The following STX8 variants were observed in gnomAD, a reference collection of about 807,000 sequenced individuals.
STX8 encodes the protein syntaxin 8.
STX8 carries 23 observed loss-of-function variants against 37.5 expected under a neutral mutation model. The ratio of observed to expected loss-of-function variants is 0.61; its 90% CI spans 0.44 to 0.87. STX8 has a LOEUF of 0.87. Ranked by LOEUF, STX8 falls within the 40% of genes least tolerant of loss-of-function variation. STX8 has a pLI of 0.00. For missense variants in STX8, 313 were observed against 284.7 expected, an observed-to-expected ratio of 1.10 and a Z score of -0.71; for synonymous variants, 115 against 99.1, an observed-to-expected ratio of 1.16 and a Z score of -0.95.
intron 6 of STX8, among the ~76,000 whole-genome samples, chr17:9,427,569 G>T (rs548981369): frequency 6.6e-6 from 1 of 152,272 alleles, no homozygotes; most frequent in South Asian, 2.1e-4. Context: ...CTAACCAAAA[G>T]AATAATTAAT....
intron 6 of STX8, among the ~76,000 whole-genome samples, chr17:9,472,172 G>A (rs1410116136): frequency 6.6e-6 from 1 of 151,222 alleles, no homozygotes; most frequent in Non-Finnish European, 1.5e-5. Context: ...ATTTAAGCCT[G>A]TCTGTCTGGC....
intron 4 of STX8, among the ~76,000 whole-genome samples, chr17:9,510,800 T>C (rs565000468): frequency 6.6e-6 from 1 of 151,780 alleles, no homozygotes; most frequent in South Asian, 2.1e-4. Flanking sequence ...AAATAAAAAA[T>C]GTATTTAAAA....
At chr17:9,350,988 G>C (rs1318499741) in intron 7 of STX8, among the ~76,000 whole-genome samples, 2 of 151,852 alleles carry the variant, frequency 1.3e-5, no homozygotes, top group Admixed American at 1.3e-4. Flanking sequence ...CTAACCCATG[G>C]GCAGCTTCAT....
intron 7 of STX8, among the ~76,000 whole-genome samples, chr17:9,357,397 A>G (rs1910919471): frequency 1.3e-5 from 2 of 152,076 alleles, no homozygotes. Context: ...AAATAAGAAG[A>G]AAAAAAGACT....
intron 7 of STX8, among the ~76,000 whole-genome samples, chr17:9,303,473 T>C (rs980258382): frequency 6.6e-6 from 1 of 152,214 alleles, no homozygotes; most frequent in South Asian, 2.1e-4. Context: ...TGTATGTGTA[T>C]GTGTTACACA....
At position 9,276,327 on chromosome 17, in the gene STX8, C is replaced by CT. The variant is rs1597578863; in HGVS notation, c.644-25683dup. On this transcript the variant is annotated intron_variant, in intron 7 of 7. Transcript: ENST00000306357. ...ACATGTTTCTTTAAAGTAACCCCAT[C>CT]TTTTTTTGTGGAAATGTGAGTGATT... 1.1e-4 allele frequency among the ~76,000 whole-genome samples: 17 copies of CT among 152,238 alleles called. 1 individual carries two copies. The South Asian group carries it at 3.1e-3, about 28-fold the overall frequency.
intron 4 of STX8, among the ~76,000 whole-genome samples, chr17:9,527,501 TCTA>T (rs1905626384): frequency 6.6e-6 from 1 of 152,190 alleles, no homozygotes; most frequent in Non-Finnish European, 1.5e-5. Flanking sequence ...ATTAGGTAAT[TCTA>T]CTTTCTTCTT....
At chr17:9,282,276 G>A (rs1209615721) in intron 7 of STX8, among the ~76,000 whole-genome samples, 1 of 152,120 alleles carries the variant, frequency 6.6e-6, no homozygotes, top group African/African-American at 2.4e-5. Context: ...GGGACTACAG[G>A]CACCTGCCAT....
chr17:9,455,237 C>T (rs1247077327), intron 6 of STX8, among the ~76,000 whole-genome samples: 2 of 150,752 alleles, frequency 1.3e-5, no homozygotes, highest in Admixed American at 6.6e-5. Flanking sequence ...CGGTGGCTCA[C>T]GCCTGTAATC....
chr17:9,303,686 C>T (rs12945468), intron 7 of STX8, among the ~76,000 whole-genome samples: 35,286 of 151,996 alleles, frequency 0.23, 5,457 homozygotes, highest in African/African-American at 0.44. Flanking sequence ...ATGATTAAGG[C>T]GGCTTTCAAA....
At chr17:9,527,962 A>G (rs1044782847) in intron 4 of STX8, among the ~76,000 whole-genome samples, 6 of 152,162 alleles carry the variant, frequency 3.9e-5, no homozygotes, top group African/African-American at 1.4e-4. Context: ...AAACAACCCA[A>G]CGTCCATCAA....
intron 4 of STX8, among the ~76,000 whole-genome samples, chr17:9,524,341 A>G (rs751495348): frequency 1.1e-4 from 17 of 152,224 alleles, no homozygotes; most frequent in Non-Finnish European, 2.2e-4. Context: ...GAAGTCCAAG[A>G]GCATGGCATA....
intron 6 of STX8, among the ~76,000 whole-genome samples, chr17:9,393,668 A>C (rs1041409034): frequency 6.6e-6 from 1 of 152,230 alleles, no homozygotes; most frequent in African/African-American, 2.4e-5. Flanking sequence ...GTTACCACTA[A>C]AACAATCTAT....
chr17:9,434,395 T>C (rs1200516387), intron 6 of STX8, among the ~76,000 whole-genome samples: 1 of 152,190 alleles, frequency 6.6e-6, no homozygotes, highest in African/African-American at 2.4e-5. Flanking sequence ...ATCAGATTTG[T>C]TTTTAAGAAA....
chr17:9,285,655 TCAC>T (rs977285436), intron 7 of STX8, among the ~76,000 whole-genome samples: 3 of 152,192 alleles, frequency 2.0e-5, no homozygotes, highest in African/African-American at 7.2e-5. Context: ...CAAACAGTGA[TCAC>T]CCTGGTTAAA....
chr17:9,474,743 C>T (rs757443320), intron 6 of STX8, among the ~76,000 whole-genome samples: 7 of 152,166 alleles, frequency 4.6e-5, no homozygotes, highest in African/African-American at 9.7e-5. Context: ...GAGGCTGAAG[C>T]GGGCAGATCA....
chr17:9,288,139 AC>A (rs1380967692), intron 7 of STX8, among the ~76,000 whole-genome samples: 20 of 73,904 alleles, frequency 2.7e-4, no homozygotes, highest in African/African-American at 6.5e-4. Context: ...AAACAAACAA[AC>A]AAAAAAAAAA....
At chr17:9,397,855 G>GC (rs1912459589) in intron 6 of STX8, among the ~76,000 whole-genome samples, 2 of 151,702 alleles carry the variant, frequency 1.3e-5, no homozygotes, top group South Asian at 4.2e-4. Context: ...AGGCTTGGTG[G>GC]CAGTTGCCTG....
chr17:9,453,086 G>A (rs577366479), intron 6 of STX8, among the ~76,000 whole-genome samples: 2 of 152,218 alleles, frequency 1.3e-5, no homozygotes, highest in East Asian at 1.9e-4. Context: ...GATTACAGGC[G>A]TGAGCCACCG....
Sources: allele counts gnomAD v4.1 joint callset (sites outside exome capture counted in the v4.1 genomes callset), GRCh38; gene constraint gnomAD v4.1.1; transcripts MANE v1.5; gene names NCBI Gene and HGNC (gene_info 2026-07-23, HGNC 2026-07-21).